The following ARID1A variants were observed in gnomAD, a reference collection of about 807,000 sequenced individuals.
ARID1A encodes the protein AT-rich interaction domain 1A.
ARID1A carries 20 observed loss-of-function variants against 212.6 expected under a neutral mutation model. That is an observed-to-expected ratio of 0.09 (90% CI 0.07 to 0.14). The LOEUF is 0.14. ARID1A is among the 10% of genes least tolerant of loss of function. The probability of loss-of-function intolerance (pLI) is 1.00; values close to 1 mark genes in which losing one functional copy is unlikely to be tolerated. For missense variants in ARID1A, 2,587 were observed against 3,059.0 expected, an observed-to-expected ratio of 0.85 and a Z score of 3.64; for synonymous variants, 1,376 against 1,222.1, an observed-to-expected ratio of 1.13 and a Z score of -2.63.
At chr1:26,778,245 CAG>C (rs1177052936) in intron 19 of ARID1A, 2 of 149,576 alleles carry the variant, frequency 1.3e-5, no homozygotes, top group East Asian at 2.0e-4. Context: ...GCCTGGATGA[CAG>C]AGTGAGACTT....
intron 6 of ARID1A, among the ~76,000 whole-genome samples, 187 bp downstream of exon 6, chr1:26,761,660 T>C (rs898221724): frequency 3.3e-5 from 5 of 152,350 alleles, no homozygotes; most frequent in African/African-American, 1.2e-4. Context: ...GATGTTTCAA[T>C]AGAAGTAACG....
intron 1 of ARID1A, chr1:26,728,014 A>C (rs1234687021): frequency 6.6e-6 from 1 of 152,232 alleles, no homozygotes; most frequent in South Asian, 2.1e-4. Context: ...TGTAGCTCTA[A>C]AATTATGATA....
intron 4 of ARID1A, among the ~76,000 whole-genome samples, chr1:26,746,659 C>T (rs1386213610): frequency 6.6e-6 from 1 of 152,046 alleles, no homozygotes; most frequent in African/African-American, 2.4e-5. Flanking sequence ...TTTGGGAGGC[C>T]GAGGTAGGTG....
rs772939817 is a variant in ARID1A at position 26,774,564 on chromosome 1, G to C, written c.4337G>C (p.Arg1446Pro). ...ACTGCCACAGCTGCTACTGAGCGCC[G>C]ACCAGCAGGCGGCCCCCAGAACCAA... ...PATATAATERRPAGGPQNQFP... is the reference protein window; with the variant it reads ...PATATAATERPPAGGPQNQFP... Residue 1446 changes from arginine (R) to proline (P), a missense_variant, in exon 18 of 20, where the codon CGA (arginine) becomes CCA (proline). Around this residue, in one of 11 missense-constraint regions of ARID1A, gnomAD observed 890 missense variants for 1,098.2 expected, o/e 0.81. Coordinates refer to ENST00000324856, the MANE Select transcript of ARID1A (RefSeq NM_006015.6). The surrounding 1 kb of genome is among the most constrained non-coding windows in gnomAD (Gnocchi z 5.6). 6.2e-7 allele frequency: 1 copy of C among 1,614,114 alleles called. No homozygotes were observed.
chr1:26,703,040 C>T (rs2080346001), intron 1 of ARID1A, among the ~76,000 whole-genome samples: 1 of 152,088 alleles, frequency 6.6e-6, no homozygotes, highest in Non-Finnish European at 1.5e-5. Flanking sequence ...GATCTTTATC[C>T]TCAATTTTGC....
rs2124146239 is a variant in ARID1A at position 26,780,049 on chromosome 1, G to A, written c.6151G>A (p.Asp2051Asn). 1 of 1,614,126 alleles carries A rather than the reference G, an allele frequency of 6.2e-7. No homozygotes were observed. The highest frequency in any genetic ancestry group is 8.5e-7 in the Non-Finnish European group (1 of 1,180,018). Residue 2051 changes from aspartate to asparagine, a missense_variant, in exon 20 of 20, where the codon GAC (aspartate) becomes AAC (asparagine). Physicochemically the swap from Asp to Asn is conservative, Grantham distance 23. Around this residue, in one of 11 missense-constraint regions of ARID1A, gnomAD observed 168 missense variants for 321.0 expected, o/e 0.52. Coordinates refer to ENST00000324856, the MANE Select transcript of ARID1A (RefSeq NM_006015.6). The surrounding 1 kb of genome is among the most constrained non-coding windows in gnomAD (Gnocchi z 7.2). The stretch of plus-strand genomic sequence containing the variant: ...CTGCAACAAAGTGGAGTGGTGGTGG[G>A]ACTGCTTGGAGATGCTCCGGGAAAA... ...VSCNKVEWWWDCLEMLRENTL... is the reference protein window; with the variant it reads ...VSCNKVEWWWNCLEMLRENTL...
At chr1:26,762,096 A>G in intron 6 of ARID1A, 56 bp from the exon 7 acceptor site, 2 of 1,498,060 alleles carry the variant, frequency 1.3e-6, no homozygotes, top group South Asian at 1.3e-5. Flanking sequence ...AAGGATGGAG[A>G]GCATTTGTTC....
At chr1:26,756,133 C>G (rs1011336689) in intron 4 of ARID1A, among the ~76,000 whole-genome samples, 8 of 151,992 alleles carry the variant, frequency 5.3e-5, no homozygotes, top group Admixed American at 5.2e-4. Flanking sequence ...ACACCAAGGC[C>G]AGGGGCAGTG....
intron 1 of ARID1A, among the ~76,000 whole-genome samples, chr1:26,717,611 T>C (rs1330255610): frequency 1.3e-5 from 2 of 152,192 alleles, no homozygotes; most frequent in Admixed American, 1.3e-4. Context: ...TTAGCACTTG[T>C]GTAGGATGAT....
chr1:26,708,171 G>A (rs2080412205), intron 1 of ARID1A, among the ~76,000 whole-genome samples: 1 of 150,844 alleles, frequency 6.6e-6, no homozygotes, highest in Non-Finnish European at 1.5e-5. Flanking sequence ...GTGAGAACTG[G>A]CAGCATCTGG....
chr1:26,707,575 T>G (rs2080405238), intron 1 of ARID1A, among the ~76,000 whole-genome samples: 1 of 151,862 alleles, frequency 6.6e-6, no homozygotes, highest in Non-Finnish European at 1.5e-5. Flanking sequence ...ACTCCTGACC[T>G]CAGGTGATCC....
chr1:26,757,386 C>T (rs901286855), intron 4 of ARID1A, among the ~76,000 whole-genome samples: 1 of 150,612 alleles, frequency 6.6e-6, no homozygotes, highest in Non-Finnish European at 1.5e-5. Context: ...AGGAGAATGG[C>T]GTGAACCCAG....
chr1:26,780,754 TGACAGCCGTGG>T lies in ARID1A; in HGVS notation c.*3_*13del, dbSNP rs1027841569. ...TGTACTGTTTTTGATTGGCCAGTCATGACAGCCGTGGGACACCTCCCCCCCCCGTGTGTGTG... is the reference window on the plus strand; with the variant it reads ...TGTACTGTTTTTGATTGGCCAGTCATGACACCTCCCCCCCCCGTGTGTGTG... On this transcript the variant is annotated stop_retained_variant and 3_prime_UTR_variant, in exon 20 of 20. Transcript: ENST00000324856. This position sits in a 1 kb window ranked among gnomAD's most constrained non-coding sequence, Gnocchi z 7.2. 1.9e-6 allele frequency: 3 copies of T among 1,556,040 alleles called. No homozygotes were observed. The African/African-American group carries it at 4.0e-5, about 21-fold the overall frequency.
intron 19 of ARID1A, 172 bp downstream of exon 19, chr1:26,775,879 C>A: frequency 1.1e-6 from 1 of 936,582 alleles, no homozygotes; most frequent in Non-Finnish European, 1.7e-6. Flanking sequence ...ATTTTGACAG[C>A]AATAATAATT....
At chr1:26,729,333 C>A in intron 1 of ARID1A, 1 of 365,454 alleles carries the variant, frequency 2.7e-6, no homozygotes, top group Non-Finnish European at 5.2e-6. Flanking sequence ...ATAGCAGCAC[C>A]GTCCTCTACC....
At chr1:26,735,620 T>A (rs1331232854) in intron 4 of ARID1A, among the ~76,000 whole-genome samples, 2 of 152,100 alleles carry the variant, frequency 1.3e-5, no homozygotes, top group African/African-American at 4.8e-5. Context: ...ATGTTAGACA[T>A]CAGAAACACA....
Position 26,774,479 on chromosome 1 carries a change from G to C in ARID1A, c.4252G>C (p.Ala1418Pro), listed in dbSNP as rs777906223. The change falls in exon 18 of 20, where the codon GCT becomes CCT. Residue 1418 changes from alanine to proline, a missense_variant. Physicochemically the swap from Ala to Pro is conservative, Grantham distance 27. Transcript: ENST00000324856. This position sits in a 1 kb window ranked among gnomAD's most constrained non-coding sequence, Gnocchi z 5.6. ...GCCCCAGCCTGCCAGCCAGCAACAA[G>C]CTGCCCAGCCTTCCCCTCAGCAAGA... ...AQPQPASQQQ[A>P]AQPSPQQDVY... The C allele has an allele frequency of 6.2e-7, 1 of 1,613,710 alleles. No homozygotes were observed. Among genetic ancestry groups the C allele is most frequent in the South Asian group, 1.1e-5 (1 of 91,014 alleles).
intron 4 of ARID1A, among the ~76,000 whole-genome samples, chr1:26,760,184 TGG>T (rs1168909745): frequency 6.6e-6 from 1 of 152,142 alleles, no homozygotes; most frequent in African/African-American, 2.4e-5. Flanking sequence ...AAGTTATGAC[TGG>T]GAAAGAAGAC....
rs2081186357 is a variant in ARID1A at position 26,780,864 on chromosome 1, CT to C, written c.*109del. Reference sequence around the variant, plus strand: ...AAACCACCTCAGAATCCAGTTTACCCTGTGCTGTCCAGCTTCTCCCTTGGGA... The same window carrying C: ...AAACCACCTCAGAATCCAGTTTACCCGTGCTGTCCAGCTTCTCCCTTGGGA... On this transcript the variant is annotated 3_prime_UTR_variant, in exon 20 of 20. Transcript: ENST00000324856. The surrounding 1 kb of genome is among the most constrained non-coding windows in gnomAD (Gnocchi z 7.2). The C allele has an allele frequency of 2.1e-6, 3 of 1,423,542 alleles. No homozygotes were observed. The East Asian group carries it at 6.9e-5, about 33-fold the overall frequency. 88.2% of individuals were successfully genotyped at this position (1,423,542 alleles called of 1,614,324 possible). A position where few individuals can be genotyped will look rare whatever the true frequency, so the allele number is the denominator to read the frequency against.
Sources: allele counts gnomAD v4.1 joint callset (sites outside exome capture counted in the v4.1 genomes callset), GRCh38; gene constraint gnomAD v4.1.1; regional missense constraint gnomAD v4.1.1; non-coding constraint Gnocchi (gnomAD v3.1); transcripts MANE v1.5; gene names NCBI Gene and HGNC (gene_info 2026-07-23, HGNC 2026-07-21).